Variants in CACNA1E observed in about 807,000 individuals in gnomAD.
CACNA1E encodes voltage-dependent R-type calcium channel subunit alpha-1E.
A neutral mutation model predicts 259.2 loss-of-function variants in CACNA1E; 40 were observed. The ratio of observed to expected loss-of-function variants is 0.15; its 90% confidence interval spans 0.12 to 0.20. CACNA1E has a LOEUF of 0.20. CACNA1E is among the 10% of genes least tolerant of loss of function. The pLI is 1.00. For missense variants in CACNA1E, 1,874 were observed against 3,040.1 expected (o/e 0.62, Z 9.02); for synonymous variants, 1,104 against 1,138.5 (o/e 0.97, Z 0.61).
chr1:181,449,071 G>T (rs1389053689), intron 2 of CACNA1E, among the ~76,000 whole-genome samples: 1 of 152,220 alleles, frequency 6.6e-6, no homozygotes, highest in Non-Finnish European at 1.5e-5. Context: ...CGGCAAGTTT[G>T]GTGGGGCCAT....
rs372826916 is a variant in CACNA1E, at chr1:181,321,260, G to A, written c.-15+3137G>A. ...TTTCAGCATGAGATTTGGAAGGGAT[G>A]AACAACCAAACTTTGTGTGTCTTCC... On this transcript the variant is annotated intron_variant, in intron 1 of 11. Transcript: ENST00000524607. 2.4e-4 allele frequency among the ~76,000 whole-genome samples: 37 copies of A among 152,290 alleles called. No individual in the cohort carries two copies. In the East Asian group the frequency reaches 6.4e-3, roughly 26 times the overall value.
chr1:181,717,405 T>G, intron 11 of CACNA1E, 103 bp downstream of exon 11: 3 of 914,504 alleles, frequency 3.3e-6, no homozygotes, highest in Non-Finnish European at 5.4e-6. Flanking sequence ...TAGGAAAGGT[T>G]CTACCTCTTC....
chr1:181,681,696 C>A (rs1459699616), intron 7 of CACNA1E, among the ~76,000 whole-genome samples: 1 of 152,178 alleles, frequency 6.6e-6, no homozygotes, highest in East Asian at 1.9e-4. Flanking sequence ...TTGAACAGAA[C>A]CAGACAAGGA....
chr1:181,424,149 A>G (rs968833597), intron 2 of CACNA1E, among the ~76,000 whole-genome samples: 10 of 152,340 alleles, frequency 6.6e-5, no homozygotes, highest in African/African-American at 2.4e-4. Context: ...CTGGGTTATC[A>G]CTAACCAACA....
intron 2 of CACNA1E, among the ~76,000 whole-genome samples, chr1:181,463,726 C>T (rs1022783026): frequency 4.6e-5 from 7 of 152,018 alleles, no homozygotes; most frequent in Non-Finnish European, 1.0e-4. Context: ...CGTGAGTTGT[C>T]AGTATCTTCT....
chr1:181,538,618 G>T (rs6424815), intron 3 of CACNA1E, among the ~76,000 whole-genome samples: 34,662 of 152,080 alleles, frequency 0.23, 4,355 homozygotes, highest in African/African-American at 0.32. Flanking sequence ...ATGCTCTGTT[G>T]AATGTATTCT....
intron 7 of CACNA1E, among the ~76,000 whole-genome samples, chr1:181,709,693 TCACAGCTCAC>T (rs1653143668): frequency 6.6e-6 from 1 of 152,148 alleles, no homozygotes; most frequent in East Asian, 1.9e-4. Flanking sequence ...AGTGGCATGA[TCACAGCTCAC>T]TGTAACCTCG....
intron 6 of CACNA1E, among the ~76,000 whole-genome samples, chr1:181,586,712 C>T (rs1375009041): frequency 6.6e-6 from 1 of 152,212 alleles, no homozygotes; most frequent in African/African-American, 2.4e-5. Flanking sequence ...AATTCATCCA[C>T]AGATTCTCTT....
chr1:181,667,854 T>C (rs1335098983), intron 7 of CACNA1E, among the ~76,000 whole-genome samples: 2 of 151,820 alleles, frequency 1.3e-5, no homozygotes, highest in African/African-American at 4.8e-5. Context: ...TTTTTTTTTT[T>C]AACTTTTTTT....
At chr1:181,708,125 G>A (rs1652975197) in intron 7 of CACNA1E, among the ~76,000 whole-genome samples, 1 of 152,216 alleles carries the variant, frequency 6.6e-6, no homozygotes, top group Non-Finnish European at 1.5e-5. Context: ...GAAATGTGCT[G>A]TAGTTGAAGT....
chr1:181,748,595 A>T (rs1657320485), intron 25 of CACNA1E, among the ~76,000 whole-genome samples: 1 of 152,180 alleles, frequency 6.6e-6, no homozygotes, highest in Non-Finnish European at 1.5e-5. Context: ...CTGCCCATAT[A>T]TTGATCTCCC....
intron 2 of CACNA1E, among the ~76,000 whole-genome samples, chr1:181,429,250 GCCTCTTC>G (rs2102241969): frequency 6.6e-6 from 1 of 152,278 alleles, no homozygotes; most frequent in Non-Finnish European, 1.5e-5. Flanking sequence ...CCTTGGCCAG[GCCTCTTC>G]ACCTCTCTGG....
At chr1:181,579,527 A>G (rs143048263) in intron 5 of CACNA1E, among the ~76,000 whole-genome samples, 296 of 152,314 alleles carry the variant, frequency 1.9e-3, no homozygotes, top group African/African-American at 6.8e-3. Context: ...TGAGCCAGGC[A>G]TAGTGGCACC....
chr1:181,352,829 TTGA>T (rs753203877), intron 1 of CACNA1E, among the ~76,000 whole-genome samples: 10 of 152,116 alleles, frequency 6.6e-5, no homozygotes, highest in Non-Finnish European at 1.3e-4. Context: ...AGGACTCAGG[TTGA>T]TGAGACCTTT....
Position 181,562,085 on chromosome 1 carries a change from G to C in CACNA1E, c.513-15681G>C, listed in dbSNP as rs140526555. Among the ~76,000 whole-genome samples, 8 of 151,788 alleles carry C rather than the reference G, an allele frequency of 5.3e-5. No individual in the cohort carries two copies. In the East Asian group the frequency reaches 1.5e-3, roughly 29 times the overall value. On this transcript the variant is annotated intron_variant, in intron 3 of 47. Transcript: ENST00000367573. ...ACTTCTTTTGGCCATTTTTTAATTA[G>C]GTTGCTTGTTTTATTATTTAGTTGT...
chr1:181,377,342 A>G (rs182252887), intron 1 of CACNA1E, among the ~76,000 whole-genome samples: 1 of 152,236 alleles, frequency 6.6e-6, no homozygotes, highest in African/African-American at 2.4e-5. Flanking sequence ...TTGTGTGAGC[A>G]AAGGCCAGAA....
chr1:181,796,738 C>G lies in CACNA1E; in HGVS notation c.6279C>G (p.Leu2093=). The G allele has an allele frequency of 6.2e-7, 1 of 1,613,396 alleles. No individual in the cohort carries two copies. The highest frequency in any genetic ancestry group is 8.5e-7 in the Non-Finnish European group (1 of 1,179,570). The stretch of plus-strand genomic sequence containing the variant: ...GATCAAAAGAGCGAAAGCATCTTCT[C>G]TCTCCTGATGTCTCCCGCTGCAATT... ...RGRSKERKHL[L]SPDVSRCNSE... The change falls in exon 47 of 48, where the codon CTC becomes CTG. Residue 2093 remains leucine (L), a synonymous_variant. Transcript: ENST00000367573.
intron 2 of CACNA1E, among the ~76,000 whole-genome samples, chr1:181,467,742 T>C (rs933708028): frequency 1.3e-5 from 2 of 152,160 alleles, no homozygotes. Flanking sequence ...CCACTGGGGT[T>C]CCTGCATTCC....
intron 2 of CACNA1E, among the ~76,000 whole-genome samples, chr1:181,423,652 C>A (rs1365972580): frequency 7.3e-6 from 1 of 136,246 alleles, no homozygotes; most frequent in African/African-American, 3.0e-5. Flanking sequence ...ATTTAAGGGC[C>A]ATTGGGCCAA....
Sources: gnomAD v4.1 joint callset for allele counts (sites outside exome capture counted in the v4.1 genomes callset) on GRCh38, gnomAD v4.1.1 for gene constraint, MANE v1.5 for transcripts, NCBI Gene and HGNC (gene_info 2026-07-23, HGNC 2026-07-21) for gene names.